The following ELAVL3 variants were observed in gnomAD, a reference collection of about 807,000 sequenced individuals.
ELAVL3 encodes the protein ELAV-like protein 3.
A neutral mutation model predicts 34.2 loss-of-function variants in ELAVL3; 8 were observed. That is an observed-to-expected ratio of 0.23 (90% CI 0.14 to 0.42). The LOEUF (loss-of-function observed/expected upper bound fraction) is 0.42, where lower values mean the gene tolerates loss of function less well. Among genes scored for constraint, ELAVL3 ranks in the 10% least tolerant of loss-of-function variants. The pLI, the probability that ELAVL3 is intolerant of heterozygous loss-of-function variation, is 1.00. For synonymous variants in ELAVL3, 209 were observed against 222.1 expected (o/e 0.94, Z 0.53); for missense variants, 273 against 518.8 (o/e 0.53, Z 4.60).
intron 1 of ELAVL3, among the ~76,000 whole-genome samples, chr19:11,469,479 C>T (rs1010312465): frequency 5.9e-5 from 9 of 151,966 alleles, no homozygotes; most frequent in Admixed American, 2.0e-4. Flanking sequence ...GGGGTTTCTC[C>T]ATGTTGGTCA....
chr19:11,478,267 C>T (rs1200258356), intron 1 of ELAVL3, among the ~76,000 whole-genome samples: 1 of 152,162 alleles, frequency 6.6e-6, no homozygotes, highest in Non-Finnish European at 1.5e-5. Context: ...GTGGTTCAGA[C>T]CCAGGTTCTT....
chr19:11,462,517 A>G (rs1184991157), intron 3 of ELAVL3, among the ~76,000 whole-genome samples: 1 of 150,014 alleles, frequency 6.7e-6, no homozygotes, highest in African/African-American at 2.5e-5. Context: ...GGCGCCTGTA[A>G]TCCCAGCTAC....
chr19:11,471,913 C>T (rs188605420), intron 1 of ELAVL3, among the ~76,000 whole-genome samples: 465 of 152,332 alleles, frequency 3.1e-3, no homozygotes, highest in Admixed American at 5.0e-3. Flanking sequence ...AATTTTAAAG[C>T]CACTTCAGAA....
intron 3 of ELAVL3, among the ~76,000 whole-genome samples, chr19:11,459,999 C>A (rs997787901): frequency 2.0e-5 from 3 of 152,074 alleles, no homozygotes; most frequent in African/African-American, 7.2e-5. Context: ...CCAAATGTCC[C>A]CAGTCTGCAC....
intron 1 of ELAVL3, among the ~76,000 whole-genome samples, chr19:11,479,672 TGCCCGGGCGTGGCCA>T (rs1971334818): frequency 1.3e-5 from 2 of 149,822 alleles, no homozygotes; most frequent in Non-Finnish European, 3.0e-5. Flanking sequence ...TAGATGGGCG[TGCCCGGGCGTGGCCA>T]GGCAGGGCGT....
intron 1 of ELAVL3, among the ~76,000 whole-genome samples, chr19:11,479,214 T>G (rs907814625): frequency 2.7e-4 from 41 of 151,748 alleles, no homozygotes; most frequent in African/African-American, 9.9e-4. Flanking sequence ...CAGACCTGGG[T>G]GAACAGCACG....
rs1313390784 is a variant in ELAVL3, at chr19:11,454,906, C to T, written c.753-29G>A. On this transcript the variant is annotated intron_variant, in intron 6 of 6. Transcript: ENST00000359227. The surrounding 1 kb of genome is among the most constrained non-coding windows in gnomAD (Gnocchi z 9.2). ...CTTTGGGGGTCACGCGGGCTCTGCC[C>T]TGACCCCCCGCATGCTTCTGACCCC... is the stretch of plus-strand genomic sequence containing the variant. 1 of 1,565,854 alleles carries T rather than the reference C, an allele frequency of 6.4e-7. No individual in the cohort carries two copies. The highest frequency in any genetic ancestry group is 2.2e-5 in the East Asian group (1 of 44,470).
chr19:11,454,573 G>A lies in ELAVL3; in HGVS notation c.1057C>T (p.Arg353Cys). ...ASLNGYRLGE[R>C]VLQVSFKTSK... ...GTCTTGAAGGAGACCTGCAGCACGC[G>A]CTCGCCCAGGCGATAGCCGTTCAGG... Residue 353 changes from arginine to cysteine, a missense_variant, in exon 7 of 7, where the codon CGC (arginine) becomes TGC (cysteine). Arg to Cys is a radical substitution (Grantham distance 180). Coordinates refer to ENST00000359227, the MANE Select transcript of ELAVL3 (RefSeq NM_001420.4). The surrounding 1 kb of genome is among the most constrained non-coding windows in gnomAD (Gnocchi z 9.2). The A allele has an allele frequency of 1.9e-6, 3 of 1,613,994 alleles. No homozygotes were observed. The highest frequency in any genetic ancestry group is 2.5e-6 in the Non-Finnish European group (3 of 1,179,930).
intron 1 of ELAVL3, among the ~76,000 whole-genome samples, chr19:11,468,755 T>C (rs1003098008): frequency 3.3e-5 from 5 of 152,160 alleles, no homozygotes; most frequent in African/African-American, 1.2e-4. Flanking sequence ...GGAGATGCTT[T>C]AAACATTTTG....
chr19:11,451,494 C>CTTTTTTTTTTTTTTTTTTTTTTTCT lies in ELAVL3; in HGVS notation c.*3031_*3032insAGAAAAAAAAAAAAAAAAAAAAAAA, dbSNP rs950823031. On this transcript the variant is annotated 3_prime_UTR_variant, in exon 7 of 7. Transcript: ENST00000359227. ...TTTTTTTTTTTGTCTTTTGTTTTGT[C>CTTTTTTTTTTTTTTTTTTTTTTTCT]TTTTTTTTTTTTTTTTTTTTTACAG... 3.1e-5 allele frequency: 2 copies of CTTTTTTTTTTTTTTTTTTTTTTTCT among 65,534 alleles called. No individual in the cohort carries two copies. The highest frequency in any genetic ancestry group is 6.0e-5 in the Non-Finnish European group (2 of 33,104). The allele number at this position is 65,534 out of a possible 1,614,324, so 4.1% of individuals were successfully genotyped here. A position where few individuals can be genotyped will look rare whatever the true frequency, so the allele number is the denominator to read the frequency against.
chr19:11,476,873 T>C (rs1312288478), intron 1 of ELAVL3, among the ~76,000 whole-genome samples: 1 of 151,726 alleles, frequency 6.6e-6, no homozygotes, highest in Non-Finnish European at 1.5e-5. Context: ...CACTCTAGCC[T>C]GGGCGACAGA....
chr19:11,452,359 G>A lies in ELAVL3; in HGVS notation c.*2167C>T, dbSNP rs1355745125. ...GGATGAAGTAACAGAAATATACACG[G>A]ATGTCCTTACAGGGCAACGAGGAGA... On this transcript the variant is annotated 3_prime_UTR_variant, in exon 7 of 7. Transcript: ENST00000359227. 6.6e-6 allele frequency: 1 copy of A among 152,142 alleles called. No individual in the cohort carries two copies. The highest frequency in any genetic ancestry group is 1.5e-5 in the Non-Finnish European group (1 of 68,040). 9.4% of individuals were successfully genotyped at this position (152,142 alleles called of 1,614,324 possible).
chr19:11,466,639 C>T lies in ELAVL3; in HGVS notation c.198G>A (p.Glu66=), dbSNP rs369735637. Residue 66 remains glutamate (E), a synonymous_variant, in exon 2 of 7, where the codon GAG becomes GAA. Transcript: ENST00000359227. This position sits in a 1 kb window ranked among gnomAD's most constrained non-coding sequence, Gnocchi z 5.0. The stretch of plus-strand genomic sequence containing the variant: ...TCTTGTCCCGAACCAACTTGCAGGA[C>T]TCGATGTCGCCAATGCTGCCGAAGA... ...KSLFGSIGDI[E]SCKLVRDKIT... is the part of the protein sequence containing the mutation. 22 of 1,614,212 alleles carry T rather than the reference C, an allele frequency of 1.4e-5. No individual in the cohort carries two copies. The highest frequency in any genetic ancestry group is 1.8e-5 in the Non-Finnish European group (21 of 1,180,046).
chr19:11,473,920 C>T (rs2144910514), intron 1 of ELAVL3, among the ~76,000 whole-genome samples: 1 of 152,328 alleles, frequency 6.6e-6, no homozygotes, highest in East Asian at 1.9e-4. Flanking sequence ...TAGCTAAAGC[C>T]ATATGCTGTA....
At chr19:11,479,922 T>A (rs1204875163) in intron 1 of ELAVL3, among the ~76,000 whole-genome samples, 1 of 150,584 alleles carries the variant, frequency 6.6e-6, no homozygotes, top group East Asian at 2.0e-4. Context: ...AGCCCAGAGG[T>A]GCCCCCCCAA....
At chr19:11,479,930 C>G (rs1044498357) in intron 1 of ELAVL3, among the ~76,000 whole-genome samples, 16 of 151,744 alleles carry the variant, frequency 1.1e-4, no homozygotes, top group Admixed American at 9.8e-4. Flanking sequence ...GGTGCCCCCC[C>G]AACCCGCGGG....
Position 11,465,334 on chromosome 19 carries a change from CCACACACACATGCGTA to C in ELAVL3, c.333+822_333+837del, listed in dbSNP as rs1410089562. On this transcript the variant is annotated intron_variant, in intron 3 of 6. Transcript: ENST00000359227. ...ACACACATACACACATGCACACACA[CCACACACACATGCGTA>C]CACACACACATGCGTACACATATAC... 4.0e-5 allele frequency among the ~76,000 whole-genome samples: 6 copies of C among 148,364 alleles called. No individual in the cohort carries two copies. In the South Asian group the frequency reaches 6.4e-4, roughly 16 times the overall value.
rs564609337 is a variant in ELAVL3 at position 11,465,557 on chromosome 19, T to C, written c.333+615A>G. 8.7e-5 allele frequency among the ~76,000 whole-genome samples: 13 copies of C among 149,292 alleles called. No homozygotes were observed. In the South Asian group the frequency reaches 2.8e-3, roughly 32 times the overall value. ...AAGGGAAGAGATTCCTGCACCTCTGTTCCCATGTTGAACTGGGGGCCAGAT... is the reference window on the plus strand; with the variant it reads ...AAGGGAAGAGATTCCTGCACCTCTGCTCCCATGTTGAACTGGGGGCCAGAT... On this transcript the variant is annotated intron_variant, in intron 3 of 6. Transcript: ENST00000359227.
intron 1 of ELAVL3, among the ~76,000 whole-genome samples, chr19:11,474,204 T>C (rs986480593): frequency 6.6e-6 from 1 of 151,944 alleles, no homozygotes; most frequent in African/African-American, 2.4e-5. Flanking sequence ...GGCTAATTTT[T>C]TTAATTTTTT....
Sources: gnomAD v4.1 joint callset for allele counts (sites outside exome capture counted in the v4.1 genomes callset) on GRCh38, gnomAD v4.1.1 for gene constraint, Gnocchi (gnomAD v3.1) non-coding constraint, MANE v1.5 for transcripts, NCBI Gene and HGNC (gene_info 2026-07-23, HGNC 2026-07-21) for gene names.